ABCC1: variants seen among roughly 807,000 people sequenced by gnomAD.
ABCC1 encodes ATP binding cassette subfamily C member 1 (ABCC1 blood group), also known as multidrug resistance-associated protein 1.
A neutral mutation model predicts 172.9 loss-of-function variants in ABCC1; 83 were observed. The ratio of observed to expected loss-of-function variants is 0.48; its 90% CI spans 0.40 to 0.58. The LOEUF is 0.58. ABCC1 is among the 20% of genes least tolerant of loss of function. The pLI is 0.00. For synonymous variants in ABCC1, 937 were observed against 825.2 expected (o/e 1.14, Z -2.32); for missense variants, 1,817 against 2,002.7 (o/e 0.91, Z 1.77).
intron 7 of ABCC1, 79 bp downstream of exon 7, chr16:16,036,682 C>T (rs1167853824): frequency 2.1e-6 from 3 of 1,459,446 alleles, no homozygotes; most frequent in African/African-American, 1.4e-5. Context: ...CAGGATGGGG[C>T]CCTGGCAGTG....
chr16:16,057,743 G>T (rs767467037), intron 12 of ABCC1, among the ~76,000 whole-genome samples: 1 of 152,010 alleles, frequency 6.6e-6, no homozygotes, highest in African/African-American at 2.4e-5. Context: ...TATAGTCTTG[G>T]TTCGTTCATT....
chr16:15,997,544 C>T (rs528921109), intron 1 of ABCC1, among the ~76,000 whole-genome samples: 98 of 152,214 alleles, frequency 6.4e-4, no homozygotes, highest in Middle Eastern at 3.4e-3. Context: ...CTGCTCAGAG[C>T]GTGGTGGGCC....
At chr16:16,117,077 T>G (rs953823670) in intron 23 of ABCC1, among the ~76,000 whole-genome samples, 1 of 152,124 alleles carries the variant, frequency 6.6e-6, no homozygotes, top group African/African-American at 2.4e-5. Flanking sequence ...ACTTACACAT[T>G]ATTTTTGGAC....
chr16:16,103,452 C>T (rs967698949), intron 20 of ABCC1, among the ~76,000 whole-genome samples: 1 of 151,704 alleles, frequency 6.6e-6, no homozygotes, highest in Non-Finnish European at 1.5e-5. Context: ...TGGTGGCAGG[C>T]GCCTGTAGTC....
intron 1 of ABCC1, among the ~76,000 whole-genome samples, chr16:15,961,290 C>G (rs1046355025): frequency 2.0e-5 from 3 of 152,092 alleles, no homozygotes; most frequent in African/African-American, 7.2e-5. Context: ...AAGGCTTGTT[C>G]GTAAGATGAT....
At chr16:16,018,670 T>A (rs2048088383) in intron 5 of ABCC1, among the ~76,000 whole-genome samples, 1 of 151,902 alleles carries the variant, frequency 6.6e-6, no homozygotes, top group Admixed American at 6.6e-5. Context: ...TGTGTATGTA[T>A]TCCTGTGCAT....
intron 22 of ABCC1, among the ~76,000 whole-genome samples, chr16:16,113,492 A>G (rs1299599671): frequency 6.6e-6 from 1 of 152,054 alleles, no homozygotes; most frequent in African/African-American, 2.4e-5. Flanking sequence ...CTGTTTCTAC[A>G]AAAAATACAA....
chr16:16,035,559 C>T (rs772914208), intron 6 of ABCC1, among the ~76,000 whole-genome samples: 7 of 151,226 alleles, frequency 4.6e-5, no homozygotes, highest in African/African-American at 7.3e-5. Context: ...GACACAATGA[C>T]GGCTCTTTGC....
chr16:16,000,132 C>T (rs549349457), intron 1 of ABCC1, among the ~76,000 whole-genome samples: 11 of 151,830 alleles, frequency 7.2e-5, no homozygotes, highest in South Asian at 4.2e-4. Context: ...GGATTACAGG[C>T]GTGAGCCACC....
At chr16:16,023,434 A>G (rs2048262202) in intron 5 of ABCC1, among the ~76,000 whole-genome samples, 1 of 152,212 alleles carries the variant, frequency 6.6e-6, no homozygotes, top group Non-Finnish European at 1.5e-5. Flanking sequence ...CAAGGACGCC[A>G]GGAAGTTCCC....
At chr16:16,101,809 C>CATTGTTGATGTTCCGGTGATT (rs1226707296) in intron 19 of ABCC1, among the ~76,000 whole-genome samples, 5 of 152,330 alleles carry the variant, frequency 3.3e-5, no homozygotes, top group African/African-American at 1.2e-4. Flanking sequence ...CTGTCATTGT[C>CATTGTTGATGTTCCGGTGATT]ATTGTTGATG....
intron 26 of ABCC1, among the ~76,000 whole-genome samples, chr16:16,126,872 A>G (rs908895716): frequency 5.9e-5 from 9 of 152,170 alleles, no homozygotes; most frequent in African/African-American, 2.2e-4. Flanking sequence ...AACTGACCAA[A>G]GTTTGGGAAA....
At chr16:16,140,495 C>T (rs1276489083) in intron 30 of ABCC1, among the ~76,000 whole-genome samples, 1 of 152,168 alleles carries the variant, frequency 6.6e-6, no homozygotes, top group Non-Finnish European at 1.5e-5. Context: ...TCTCTGCACC[C>T]AGCTGACATG....
intron 12 of ABCC1, among the ~76,000 whole-genome samples, chr16:16,061,572 C>A (rs1389695197): frequency 6.6e-6 from 1 of 152,292 alleles, no homozygotes; most frequent in Admixed American, 6.5e-5. Flanking sequence ...CAAGCCCTTC[C>A]TCCTAACACC....
chr16:16,060,801 C>T (rs768617948), intron 12 of ABCC1, among the ~76,000 whole-genome samples: 2 of 151,562 alleles, frequency 1.3e-5, no homozygotes, highest in African/African-American at 2.4e-5. Flanking sequence ...GGATTACAAG[C>T]GTGAGCCACC....
At position 15,949,637 on chromosome 16, in the gene ABCC1, G is replaced by C; in HGVS notation, c.-115G>C. The C allele has an allele frequency of 2.8e-6, 2 of 710,266 alleles. No individual in the cohort carries two copies. The highest frequency in any genetic ancestry group is 1.7e-6 in the Non-Finnish European group (1 of 580,190). 44.0% of individuals were successfully genotyped at this position (710,266 alleles called of 1,614,324 possible). On this transcript the variant is annotated 5_prime_UTR_variant, in exon 1 of 31. Coordinates refer to ENST00000399410, the MANE Select transcript of ABCC1 (RefSeq NM_004996.4). ...CGCCGCCGCCGCCGCCGCCGCCAGC[G>C]CTAGCGCCAGCAGCCGGGCCCGATC...
chr16:16,084,701 A>G (rs984028810), intron 17 of ABCC1, among the ~76,000 whole-genome samples: 1 of 147,004 alleles, frequency 6.8e-6, no homozygotes, highest in South Asian at 2.2e-4. Flanking sequence ...TCTTGGTTCA[A>G]CCTCTGCCTC....
chr16:16,078,454 G>A (rs924958877), intron 15 of ABCC1, among the ~76,000 whole-genome samples: 4 of 152,140 alleles, frequency 2.6e-5, no homozygotes, highest in South Asian at 2.1e-4. Context: ...ATTCATATGC[G>A]TTTCCCTTTT....
intron 26 of ABCC1, among the ~76,000 whole-genome samples, chr16:16,126,555 T>C (rs944592613): frequency 1.3e-4 from 20 of 152,064 alleles, no homozygotes; most frequent in Non-Finnish European, 2.6e-4. Flanking sequence ...GGCTAATTTT[T>C]GTATTTTTAG....
Sources: gnomAD v4.1 joint callset for allele counts (sites outside exome capture counted in the v4.1 genomes callset) on GRCh38, gnomAD v4.1.1 for gene constraint, MANE v1.5 for transcripts, NCBI Gene and HGNC (gene_info 2026-07-23, HGNC 2026-07-21) for gene names.